The following GABRG2 variants were observed in gnomAD, a reference collection of about 807,000 sequenced individuals.
The protein encoded by GABRG2 is gamma-aminobutyric acid type A receptor subunit gamma2.
A neutral mutation model predicts 56.4 loss-of-function variants in GABRG2; 16 were observed. That is an observed-to-expected ratio of 0.28 (90% CI 0.19 to 0.43). GABRG2 has a LOEUF of 0.43. Ranked by LOEUF, GABRG2 falls within the 20% of genes least tolerant of loss-of-function variation. The probability of loss-of-function intolerance (pLI) is 1.00; values close to 1 mark genes in which losing one functional copy is unlikely to be tolerated. For synonymous variants in GABRG2, 208 were observed against 205.5 expected (o/e 1.01, Z -0.10); for missense variants, 327 against 582.7 (o/e 0.56, Z 4.52).
At chr5:162,098,036 C>A (rs1423536450) in intron 4 of GABRG2, 178 bp downstream of exon 4, 3 of 613,362 alleles carry the variant, frequency 4.9e-6, no homozygotes, top group African/African-American at 3.7e-5. Flanking sequence ...TTTTTGTTAT[C>A]AATGAGCTTT....
chr5:162,145,171 A>T (rs1026926868), intron 7 of GABRG2, among the ~76,000 whole-genome samples: 3 of 152,122 alleles, frequency 2.0e-5, no homozygotes, highest in Non-Finnish European at 4.4e-5. Context: ...ATCCACGTTG[A>T]CTCAGAGATA....
Position 162,094,881 on chromosome 5 carries a change from C to T in GABRG2, c.260-614C>T, listed in dbSNP as rs537183236. Reference sequence around the variant, plus strand: ...ATCAGTCTTCTCTGAAAAATAGGTACATAATGGGTTTCCATATGGTTTTCT... The same window carrying T: ...ATCAGTCTTCTCTGAAAAATAGGTATATAATGGGTTTCCATATGGTTTTCT... On this transcript the variant is annotated intron_variant, in intron 2 of 9. Transcript: ENST00000639213. The T allele has an allele frequency of 4.6e-5, 7 of 152,436 alleles. No individual in the cohort carries two copies. In the East Asian group the frequency reaches 1.4e-3, roughly 29 times the overall value. The allele number at this position is 152,436 out of a possible 1,614,324, so 9.4% of individuals were successfully genotyped here. A position where few individuals can be genotyped will look rare whatever the true frequency, so the allele number is the denominator to read the frequency against.
At chr5:162,122,618 T>G (rs1394104599) in intron 6 of GABRG2, among the ~76,000 whole-genome samples, 1 of 151,700 alleles carries the variant, frequency 6.6e-6, no homozygotes, top group Non-Finnish European at 1.5e-5. Flanking sequence ...ACCCATTATA[T>G]TTCAATTGTC....
At chr5:162,097,032 T>C (rs1761048339) in intron 3 of GABRG2, among the ~76,000 whole-genome samples, 1 of 152,124 alleles carries the variant, frequency 6.6e-6, no homozygotes, top group African/African-American at 2.4e-5. Context: ...TAACACGGCC[T>C]ACCCAGTTAG....
At chr5:162,140,340 A>G in intron 6 of GABRG2, among the ~76,000 whole-genome samples, 1 of 152,228 alleles carries the variant, frequency 6.6e-6, no homozygotes, top group East Asian at 1.9e-4. Flanking sequence ...GTTAAGAGGC[A>G]TTCAAAACCC....
chr5:162,072,122 T>G (rs1237126223), intron 1 of GABRG2, among the ~76,000 whole-genome samples: 1 of 151,998 alleles, frequency 6.6e-6, no homozygotes, highest in Non-Finnish European at 1.5e-5. Context: ...AATAATTGAT[T>G]TAAAGCATAT....
intron 6 of GABRG2, among the ~76,000 whole-genome samples, chr5:162,131,752 A>G (rs982612470): frequency 1.3e-5 from 2 of 152,040 alleles, no homozygotes; most frequent in South Asian, 2.1e-4. Flanking sequence ...TCCACGTGCC[A>G]TGATTCAAAT....
intron 6 of GABRG2, among the ~76,000 whole-genome samples, chr5:162,134,114 T>A (rs2113552558): frequency 6.6e-6 from 1 of 152,274 alleles, no homozygotes; most frequent in East Asian, 1.9e-4. Flanking sequence ...TTTGGATTTA[T>A]CATCATAGTC....
intron 1 of GABRG2, among the ~76,000 whole-genome samples, chr5:162,091,720 T>A (rs1038493346): frequency 6.6e-6 from 1 of 152,148 alleles, no homozygotes; most frequent in Non-Finnish European, 1.5e-5. Context: ...AAGTATCCCT[T>A]ATCTTTTCAC....
At chr5:162,075,640 A>T (rs1759036389) in intron 1 of GABRG2, among the ~76,000 whole-genome samples, 1 of 152,160 alleles carries the variant, frequency 6.6e-6, no homozygotes, top group Non-Finnish European at 1.5e-5. Context: ...TGCTTAATTA[A>T]GTAATAAAAA....
At chr5:162,104,554 G>A (rs1761664405) in intron 6 of GABRG2, among the ~76,000 whole-genome samples, 2 of 152,098 alleles carry the variant, frequency 1.3e-5, no homozygotes, top group African/African-American at 2.4e-5. Flanking sequence ...TTGGGCAAAT[G>A]TATTGAATCT....
In GABRG2 at chr5:162,142,147, T is replaced by C. The variant is rs369989217; in HGVS notation, c.770-17T>C. 1.2e-5 allele frequency: 19 copies of C among 1,613,788 alleles called. No homozygotes were observed. The highest frequency in any genetic ancestry group is 1.6e-5 in the Non-Finnish European group (19 of 1,179,682). On this transcript the variant is annotated splice_polypyrimidine_tract_variant and intron_variant, in intron 6 of 9. Transcript: ENST00000639213. ...ATTGATAAAGGGTTGTATGGTGTTA[T>C]CTTTGGTCTGTTCCAGGAGATTATG... is the stretch of plus-strand genomic sequence containing the variant.
At chr5:162,116,388 A>G (rs1390170459) in intron 6 of GABRG2, among the ~76,000 whole-genome samples, 1 of 150,764 alleles carries the variant, frequency 6.6e-6, no homozygotes, top group East Asian at 1.9e-4. Flanking sequence ...AGTAAGAACA[A>G]TCTCAATTGT....
intron 6 of GABRG2, among the ~76,000 whole-genome samples, chr5:162,137,231 C>A (rs1764202111): frequency 1.3e-5 from 2 of 152,170 alleles, no homozygotes. Context: ...ATTTTGGTGC[C>A]AATTGCATGG....
chr5:162,074,042 A>T (rs1028529025), intron 1 of GABRG2, among the ~76,000 whole-genome samples: 1 of 151,926 alleles, frequency 6.6e-6, no homozygotes, highest in South Asian at 2.1e-4. Context: ...GAGATGTAAA[A>T]GTCCTCTCTA....
chr5:162,151,662 T>G, intron 8 of GABRG2, 68 bp from the exon 9 acceptor site: 2 of 1,322,222 alleles, frequency 1.5e-6, no homozygotes, highest in Non-Finnish European at 2.1e-6. Flanking sequence ...TCTCTCTTTT[T>G]TTTTCATTTT....
chr5:162,067,676 CGT>C, upstream of GABRG2: 1 of 597,252 alleles, frequency 1.7e-6, no homozygotes, highest in Admixed American at 3.0e-5. Context: ...CACGAGTGTG[CGT>C]GTCTTTCCCT....
intron 6 of GABRG2, among the ~76,000 whole-genome samples, chr5:162,107,385 TATGTTGAAAAAGAGA>T (rs1761913797): frequency 6.6e-6 from 1 of 152,158 alleles, no homozygotes; most frequent in Admixed American, 6.5e-5. Flanking sequence ...AGACTTTGAA[TATGTTGAAAAAGAGA>T]GAGAGAGAAA....
At chr5:162,149,455 C>T (rs1011546032) in intron 8 of GABRG2, 142 bp downstream of exon 8, 25 of 777,670 alleles carry the variant, frequency 3.2e-5, no homozygotes, top group East Asian at 2.9e-4. Context: ...CAGGCCATAA[C>T]GATTCATTTA....
Sources: gnomAD v4.1 joint callset for allele counts (sites outside exome capture counted in the v4.1 genomes callset) on GRCh38, gnomAD v4.1.1 for gene constraint, MANE v1.5 for transcripts, NCBI Gene and HGNC (gene_info 2026-07-23, HGNC 2026-07-21) for gene names.